The following LMO7 variants were observed in gnomAD, a reference collection of about 807,000 sequenced individuals.
LMO7 encodes LIM domain only protein 7.
A neutral mutation model predicts 206.5 loss-of-function variants in LMO7; 120 were observed. That is an observed-to-expected ratio of 0.58 (90% CI 0.50 to 0.68). The LOEUF (loss-of-function observed/expected upper bound fraction) is 0.68, where lower values mean the gene tolerates loss of function less well. Ranked by LOEUF, LMO7 falls within the 30% of genes least tolerant of loss-of-function variation. LMO7 has a pLI of 0.00. For synonymous variants in LMO7, 706 were observed against 681.5 expected (o/e 1.04, Z -0.56); for missense variants, 1,959 against 1,957.9 (o/e 1.00, Z -0.01).
rs1295288186 is a variant in LMO7 at position 75,821,528 on chromosome 13, A to G, written c.2559A>G (p.Thr853=). ...CCAGAAGTTACCGGAAAACTGATAC[A>G]GTCAGGTTAACATCTGTGGTCACAC... ...SLPRSYRKTD[T]VRLTSVVTPR... The change falls in exon 14 of 31, where the codon ACA becomes ACG. Residue 853 remains threonine (T), a synonymous_variant. Transcript: ENST00000377534. 2 of 1,614,014 alleles carry G rather than the reference A, an allele frequency of 1.2e-6. No homozygotes were observed. The highest frequency in any genetic ancestry group is 2.2e-5 in the South Asian group (2 of 91,066).
At chr13:75,751,739 T>C (rs865940132) in intron 3 of LMO7, among the ~76,000 whole-genome samples, 55 of 152,196 alleles carry the variant, frequency 3.6e-4, no homozygotes, top group African/African-American at 1.2e-3. Context: ...TTTATAAAAG[T>C]GTCTTTTCAC....
chr13:75,734,007 C>A (rs1334667111), intron 3 of LMO7, among the ~76,000 whole-genome samples: 1 of 152,220 alleles, frequency 6.6e-6, no homozygotes, highest in Non-Finnish European at 1.5e-5. Flanking sequence ...CCTCAGCCAG[C>A]ACACAGATCC....
intron 4 of LMO7, among the ~76,000 whole-genome samples, chr13:75,764,682 A>C (rs1048077722): frequency 1.3e-5 from 2 of 152,126 alleles, no homozygotes; most frequent in African/African-American, 4.8e-5. Context: ...ATATATCAAA[A>C]ATTTTAAGCT....
intron 3 of LMO7, among the ~76,000 whole-genome samples, chr13:75,740,059 G>A (rs1725474856): frequency 1.3e-5 from 2 of 152,206 alleles, no homozygotes; most frequent in South Asian, 4.1e-4. Context: ...GCACTTTTCT[G>A]AGTAGGAGGC....
intron 2 of LMO7, among the ~76,000 whole-genome samples, chr13:75,720,867 A>G (rs1466817011): frequency 6.6e-6 from 1 of 152,170 alleles, no homozygotes; most frequent in East Asian, 1.9e-4. Flanking sequence ...ATTAACATCA[A>G]TTTTACTAGC....
intron 4 of LMO7, among the ~76,000 whole-genome samples, chr13:75,785,520 A>G (rs1042292122): frequency 1.3e-5 from 2 of 152,216 alleles, no homozygotes; most frequent in African/African-American, 4.8e-5. Flanking sequence ...ACTTAAACAG[A>G]TCACAACTAG....
At chr13:75,737,823 T>A (rs1400520573) in intron 3 of LMO7, among the ~76,000 whole-genome samples, 18 of 32,596 alleles carry the variant, frequency 5.5e-4, no homozygotes, top group African/African-American at 8.2e-4. Flanking sequence ...GAAATAAATA[T>A]AGATTCACAG....
chr13:75,739,840 A>G (rs1024599475), intron 3 of LMO7, among the ~76,000 whole-genome samples: 1 of 152,046 alleles, frequency 6.6e-6, no homozygotes, highest in Non-Finnish European at 1.5e-5. Context: ...TGTTTGTCCT[A>G]TCCCCACTTA....
At chr13:75,798,369 A>G (rs2054301915) in intron 6 of LMO7, among the ~76,000 whole-genome samples, 1 of 152,202 alleles carries the variant, frequency 6.6e-6, no homozygotes, top group Non-Finnish European at 1.5e-5. Context: ...ACAAACAAAC[A>G]AAAAACCATG....
In LMO7 at chr13:75,800,713, A is replaced by G. The variant is rs1232421521; in HGVS notation, c.492A>G (p.Arg164=). ...TCGAAGACTCCAGCTTCCTGAAAAG[A>G]AGTGGCAGGGACAGTGGCTACGGTG... The part of the protein sequence containing the change: ...KALEDSSFLK[R]SGRDSGYGDI... The change falls in exon 7 of 31, where the codon AGA becomes AGG. Residue 164 remains arginine (R), a synonymous_variant. Transcript: ENST00000377534. 1 of 1,614,114 alleles carries G rather than the reference A, an allele frequency of 6.2e-7. No individual in the cohort carries two copies. The highest frequency in any genetic ancestry group is 8.5e-7 in the Non-Finnish European group (1 of 1,179,944).
intron 1 of LMO7, among the ~76,000 whole-genome samples, chr13:75,694,044 T>G (rs972381648): frequency 1.3e-5 from 2 of 152,218 alleles, no homozygotes; most frequent in African/African-American, 4.8e-5. Context: ...GAATACTTAC[T>G]GTCATGCATG....
At chr13:75,857,742 A>G (rs2061083865) in intron 30 of LMO7, 179 bp from the exon 31 acceptor site, 1 of 407,168 alleles carries the variant, frequency 2.5e-6, no homozygotes, top group African/African-American at 2.0e-5. Flanking sequence ...TTTTACAAAT[A>G]AAGAATTCCA....
At chr13:75,800,653 C>T (rs373619598) in intron 6 of LMO7, 31 bp from the exon 7 acceptor site, 2 of 1,589,958 alleles carry the variant, frequency 1.3e-6, no homozygotes, top group East Asian at 2.2e-5. Flanking sequence ...GTTTATTTAA[C>T]TTACTATTCT....
At chr13:75,677,817 G>A (rs1159413640) in intron 1 of LMO7, among the ~76,000 whole-genome samples, 50 of 105,002 alleles carry the variant, frequency 4.8e-4, no homozygotes, top group East Asian at 4.1e-3. Context: ...AACAGTCCCC[G>A]GTGTGTGATG....
At chr13:75,832,606 G>A (rs73227996) in intron 15 of LMO7, among the ~76,000 whole-genome samples, 7,523 of 152,208 alleles carry the variant, frequency 0.049, 267 homozygotes, top group African/African-American at 0.1. Flanking sequence ...ATGTGTCTGT[G>A]AACCACTTGA....
intron 1 of LMO7, among the ~76,000 whole-genome samples, chr13:75,698,906 A>G (rs2042085001): frequency 6.6e-6 from 1 of 152,204 alleles, no homozygotes; most frequent in African/African-American, 2.4e-5. Context: ...CCGAGCCATC[A>G]CCACATCTAA....
Position 75,808,158 on chromosome 13 carries a change from G to C in LMO7, c.1875G>C (p.Glu625Asp). 2 of 1,613,734 alleles carry C rather than the reference G, an allele frequency of 1.2e-6. No homozygotes were observed. The highest frequency in any genetic ancestry group is 1.7e-6 in the Non-Finnish European group (2 of 1,179,754). Residue 625 changes from glutamate to aspartate, a missense_variant, in exon 10 of 31, where the codon GAG becomes GAC. By Grantham distance (45) the Glu-to-Asp change is conservative. Coordinates refer to ENST00000377534, the MANE Select transcript of LMO7 (RefSeq NM_001306080.2). ...TGAAGAGATGGGAGGCCATCCGGGA[G>C]GCCAGCAGACTTAGGCACAAGAAAA... is the stretch of plus-strand genomic sequence containing the variant. ...ADLKRWEAIR[E>D]ASRLRHKKRL...
At chr13:75,640,621 A>G (rs2036444354) in intron 1 of LMO7, among the ~76,000 whole-genome samples, 1 of 152,118 alleles carries the variant, frequency 6.6e-6, no homozygotes, top group Non-Finnish European at 1.5e-5. Context: ...ATATTAGTCT[A>G]TGAGCTAACT....
In LMO7 at chr13:75,796,761, A is replaced by T. The variant is rs1269480085; in HGVS notation, c.462+12A>T. On this transcript the variant is annotated intron_variant, in intron 6 of 30. Coordinates refer to ENST00000377534, the MANE Select transcript of LMO7 (RefSeq NM_001306080.2). Reference sequence around the variant, plus strand: ...AAGCACTGACGAAGGTAAGTAAACTACATCTGTGTGAGATTACTGCTGTAA... The same window carrying T: ...AAGCACTGACGAAGGTAAGTAAACTTCATCTGTGTGAGATTACTGCTGTAA... 3.4e-6 allele frequency: 5 copies of T among 1,454,030 alleles called. No homozygotes were observed. The highest frequency in any genetic ancestry group is 3.9e-6 in the Non-Finnish European group (4 of 1,034,428). The allele number at this position is 1,454,030 out of a possible 1,614,324, so 90.1% of individuals were successfully genotyped here.
Sources: allele counts gnomAD v4.1 joint callset (sites outside exome capture counted in the v4.1 genomes callset), GRCh38; gene constraint gnomAD v4.1.1; transcripts MANE v1.5; gene names NCBI Gene and HGNC (gene_info 2026-07-23, HGNC 2026-07-21).